L3MBTL4: variants seen among roughly 807,000 people sequenced by gnomAD.
L3MBTL4 encodes the protein lethal(3)malignant brain tumor-like protein 4.
L3MBTL4 carries 70 observed loss-of-function variants against 84.5 expected under a neutral mutation model. That is an observed-to-expected ratio of 0.83 (90% CI 0.68 to 1.01). L3MBTL4 has a LOEUF of 1.01. Among genes scored for constraint, L3MBTL4 ranks in the 50% least tolerant of loss-of-function variants. The probability of loss-of-function intolerance (pLI) is 0.00; values close to 1 mark genes in which losing one functional copy is unlikely to be tolerated. For missense variants in L3MBTL4, 715 were observed against 754.8 expected (o/e 0.95, Z 0.62); for synonymous variants, 274 against 259.8 (o/e 1.05, Z -0.52).
chr18:6,274,922 C>CT (rs2049018510), intron 4 of L3MBTL4, among the ~76,000 whole-genome samples: 1 of 152,190 alleles, frequency 6.6e-6, no homozygotes, highest in Non-Finnish European at 1.5e-5. Flanking sequence ...AAAGAGGACT[C>CT]TGACATTTCT....
intron 16 of L3MBTL4, among the ~76,000 whole-genome samples, chr18:6,068,094 C>T (rs10163687): frequency 0.11 from 15,969 of 152,052 alleles, 1,442 homozygotes; most frequent in African/African-American, 0.25. Context: ...AGTTTTTGTG[C>T]GCTGGCTTTC....
At chr18:6,320,451 C>T (rs76040863) in intron 1 of L3MBTL4, among the ~76,000 whole-genome samples, 6,391 of 152,040 alleles carry the variant, frequency 0.042, 157 homozygotes, top group East Asian at 0.1. Context: ...TCAAAGTATA[C>T]GAGTCAATAG....
At chr18:6,186,564 T>A (rs2044776101) in intron 12 of L3MBTL4, among the ~76,000 whole-genome samples, 1 of 152,040 alleles carries the variant, frequency 6.6e-6, no homozygotes, top group Non-Finnish European at 1.5e-5. Flanking sequence ...GAAGACACAG[T>A]AAGCATGGGA....
At chr18:6,327,513 T>C (rs1348936045) in intron 1 of L3MBTL4, among the ~76,000 whole-genome samples, 1 of 152,202 alleles carries the variant, frequency 6.6e-6, no homozygotes, top group Non-Finnish European at 1.5e-5. Flanking sequence ...TGCAGGATGA[T>C]ACATGCCATA....
chr18:6,140,563 C>T (rs538899938), intron 13 of L3MBTL4, among the ~76,000 whole-genome samples: 3 of 152,100 alleles, frequency 2.0e-5, no homozygotes, highest in Non-Finnish European at 4.4e-5. Context: ...GCCTCCTCAC[C>T]GCCTGCCCAG....
At chr18:6,005,276 G>A (rs2054421650) in intron 16 of L3MBTL4, among the ~76,000 whole-genome samples, 1 of 151,720 alleles carries the variant, frequency 6.6e-6, no homozygotes, top group Non-Finnish European at 1.5e-5. Context: ...AACCCGGGAG[G>A]CAGAGGTTGC....
At chr18:6,406,477 A>G (rs906081479) in intron 1 of L3MBTL4, among the ~76,000 whole-genome samples, 1 of 152,232 alleles carries the variant, frequency 6.6e-6, no homozygotes, top group African/African-American at 2.4e-5. Flanking sequence ...GCCTGGAAAC[A>G]TTGCATAATA....
chr18:6,087,075 G>GCTTTTGTTCTTATCT (rs1226530540), intron 15 of L3MBTL4, among the ~76,000 whole-genome samples: 2 of 152,162 alleles, frequency 1.3e-5, no homozygotes, highest in Non-Finnish European at 2.9e-5. Flanking sequence ...ATAAGAACAA[G>GCTTTTGTTCTTATCT]GATTTTTGTC....
chr18:6,014,322 T>C (rs1258047842), intron 16 of L3MBTL4, among the ~76,000 whole-genome samples: 1 of 152,230 alleles, frequency 6.6e-6, no homozygotes, highest in Non-Finnish European at 1.5e-5. Flanking sequence ...AGCCTGATTT[T>C]CACAGAAGCT....
At chr18:6,335,550 G>A (rs1405196245) in intron 1 of L3MBTL4, among the ~76,000 whole-genome samples, 1 of 152,022 alleles carries the variant, frequency 6.6e-6, no homozygotes, top group Non-Finnish European at 1.5e-5. Context: ...ATCAAATCTG[G>A]GTTATTCTTC....
chr18:6,036,991 T>TA (rs2056172180), intron 16 of L3MBTL4, among the ~76,000 whole-genome samples: 1 of 152,046 alleles, frequency 6.6e-6, no homozygotes, highest in Non-Finnish European at 1.5e-5. Context: ...GGGAAGGGGG[T>TA]AAAAAATAAA....
At chr18:6,128,043 G>A (rs999394616) in intron 14 of L3MBTL4, among the ~76,000 whole-genome samples, 4 of 112,020 alleles carry the variant, frequency 3.6e-5, no homozygotes, top group Non-Finnish European at 7.0e-5. Flanking sequence ...TGGGGCGGGG[G>A]AAGAGTCAAT....
At chr18:6,275,657 A>G (rs2146522229) in intron 4 of L3MBTL4, among the ~76,000 whole-genome samples, 1 of 152,348 alleles carries the variant, frequency 6.6e-6, no homozygotes, top group African/African-American at 2.4e-5. Flanking sequence ...GTACCTTCAC[A>G]TGTGGCAAAC....
chr18:6,141,503 G>A (rs879562086), intron 13 of L3MBTL4, among the ~76,000 whole-genome samples: 1 of 152,012 alleles, frequency 6.6e-6, no homozygotes, highest in Non-Finnish European at 1.5e-5. Flanking sequence ...TGAACCTATC[G>A]TCTTGTCCCC....
chr18:6,237,358 AGTTTT>A (rs2047255374), intron 10 of L3MBTL4, among the ~76,000 whole-genome samples: 1 of 148,706 alleles, frequency 6.7e-6, no homozygotes, highest in Non-Finnish European at 1.5e-5. Context: ...AGAAATAGCT[AGTTTT>A]AAGTATCAGT....
At chr18:6,375,897 G>A (rs746539309) in intron 1 of L3MBTL4, among the ~76,000 whole-genome samples, 10 of 152,274 alleles carry the variant, frequency 6.6e-5, no homozygotes, top group Middle Eastern at 3.4e-3. Context: ...AAACTCAGGC[G>A]AGGGCACTAG....
chr18:5,958,115 GAAGAAGAAGAAGAAA>G (rs1420474677), intron 18 of L3MBTL4, among the ~76,000 whole-genome samples: 1,179 of 76,392 alleles, frequency 0.015, 29 homozygotes, highest in African/African-American at 0.046. Flanking sequence ...AGAAGAAGAA[GAAGAAGAAGAAGAAA>G]AAGAAGAAGA....
intron 12 of L3MBTL4, 83 bp downstream of exon 12, chr18:6,213,066 G>A: frequency 1.4e-6 from 1 of 726,020 alleles, no homozygotes; most frequent in Non-Finnish European, 2.2e-6. Context: ...AACGAGAAAG[G>A]TTCAGAGAAT....
At chr18:6,383,625 C>T (rs1009200068) in intron 1 of L3MBTL4, among the ~76,000 whole-genome samples, 2 of 152,164 alleles carry the variant, frequency 1.3e-5, no homozygotes, top group Admixed American at 1.3e-4. Flanking sequence ...TCGGCTTGCC[C>T]TCTGTGGGCT....
Sources: allele counts gnomAD v4.1 joint callset (sites outside exome capture counted in the v4.1 genomes callset), GRCh38; gene constraint gnomAD v4.1.1; transcripts MANE v1.5; gene names NCBI Gene and HGNC (gene_info 2026-07-23, HGNC 2026-07-21).